Variants in HACD2 observed in about 807,000 individuals in gnomAD.
HACD2 encodes the protein very-long-chain (3R)-3-hydroxyacyl-CoA dehydratase 2.
A neutral mutation model predicts 31.0 loss-of-function variants in HACD2; 15 were observed. The observed-to-expected ratio is 0.48, with a 90% CI of 0.32 to 0.75. The LOEUF is 0.75. Among genes scored for constraint, HACD2 ranks in the 30% least tolerant of loss-of-function variants. The pLI, the probability that HACD2 is intolerant of heterozygous loss-of-function variation, is 0.03. For synonymous variants in HACD2, 115 were observed against 122.2 expected (o/e 0.94, Z 0.39); for missense variants, 283 against 313.0 (o/e 0.90, Z 0.72).
At chr3:123,539,170 C>T (rs748298382) in intron 3 of HACD2, among the ~76,000 whole-genome samples, 5 of 152,146 alleles carry the variant, frequency 3.3e-5, no homozygotes, top group Non-Finnish European at 5.9e-5. Flanking sequence ...TTAAGGAAGG[C>T]TACCTTGCCT....
intron 3 of HACD2, among the ~76,000 whole-genome samples, chr3:123,553,776 A>G (rs2056644137): frequency 6.6e-6 from 1 of 152,012 alleles, no homozygotes; most frequent in Non-Finnish European, 1.5e-5. Context: ...TGTTCTGGCT[A>G]TTGTTTTTCC....
At chr3:123,519,455 T>C (rs2056186169) in intron 4 of HACD2, among the ~76,000 whole-genome samples, 2 of 152,200 alleles carry the variant, frequency 1.3e-5, no homozygotes, top group Admixed American at 1.3e-4. Flanking sequence ...CTAAACTCTC[T>C]TCCCTGAAGA....
At position 123,567,770 on chromosome 3, in the gene HACD2, C is replaced by T; in HGVS notation, c.284G>A (p.Cys95Tyr). Residue 95 changes from cysteine to tyrosine, a missense_variant, in exon 3 of 7, where the codon TGT becomes TAT. Coordinates refer to ENST00000383657, the MANE Select transcript of HACD2 (RefSeq NM_198402.5). ...QTGALLEILHCAIGIVPSSVV... is the reference protein window; with the variant it reads ...QTGALLEILHYAIGIVPSSVV... Reference sequence around the variant, plus strand: ...GGAATATCCATACTTACCTATAGCACAATGTAAAATCTAGAGGAAAAAAGG... The same window carrying T: ...GGAATATCCATACTTACCTATAGCATAATGTAAAATCTAGAGGAAAAAAGG... 6.7e-7 allele frequency: 1 copy of T among 1,498,120 alleles called. No individual in the cohort carries two copies. Among genetic ancestry groups the T allele is most frequent in the Non-Finnish European group, 9.0e-7 (1 of 1,113,802 alleles). 92.8% of individuals were successfully genotyped at this position (1,498,120 alleles called of 1,614,324 possible). A position where few individuals can be genotyped will look rare whatever the true frequency, so the allele number is the denominator to read the frequency against.
chr3:123,553,766 T>C (rs1193683759), intron 3 of HACD2, among the ~76,000 whole-genome samples: 2 of 151,934 alleles, frequency 1.3e-5, no homozygotes, highest in African/African-American at 4.8e-5. Flanking sequence ...ATGAAGAGGG[T>C]GTTCTGGCTA....
chr3:123,502,537 C>A, intron 5 of HACD2, 23 bp downstream of exon 5: 1 of 1,606,350 alleles, frequency 6.2e-7, no homozygotes, highest in Non-Finnish European at 8.5e-7. Flanking sequence ...CAAAAGTGAG[C>A]CTTTTGAAAT....
rs73857672 is a variant in HACD2, at chr3:123,561,613, A to T, written c.292+6149T>A. Among the ~76,000 whole-genome samples, 909 of 151,442 alleles carry T rather than the reference A, an allele frequency of 6.0e-3. 9 individuals are homozygous for T. The highest frequency in any genetic ancestry group is 0.021 in the African/African-American group (883 of 41,470). On this transcript the variant is annotated intron_variant, in intron 3 of 6. Transcript: ENST00000383657. The stretch of plus-strand genomic sequence containing the variant: ...GCACCTCTAATCCCCATCCATAAAG[A>T]GGGGAACCATATTGCAGAGTCAGCT...
intron 4 of HACD2, among the ~76,000 whole-genome samples, chr3:123,506,014 G>T (rs1013330993): frequency 6.6e-6 from 1 of 152,238 alleles, no homozygotes; most frequent in African/African-American, 2.4e-5. Flanking sequence ...GGGCGGCCAG[G>T]GCTGCTGCTG....
At chr3:123,536,703 CA>C (rs1397883414) in intron 3 of HACD2, among the ~76,000 whole-genome samples, 1 of 151,950 alleles carries the variant, frequency 6.6e-6, no homozygotes, top group East Asian at 1.9e-4. Flanking sequence ...AGATCCAGAC[CA>C]AAAAAATTAC....
At chr3:123,541,484 A>T (rs1576764009) in intron 3 of HACD2, among the ~76,000 whole-genome samples, 2 of 152,316 alleles carry the variant, frequency 1.3e-5, no homozygotes, top group Middle Eastern at 6.8e-3. Context: ...AGAAGACTGG[A>T]GATAATATTT....
chr3:123,549,063 C>T (rs1473648353), intron 3 of HACD2, among the ~76,000 whole-genome samples: 1 of 151,178 alleles, frequency 6.6e-6, no homozygotes, highest in East Asian at 1.9e-4. Context: ...TCCTTTATGT[C>T]CCTTCAAAAG....
chr3:123,544,184 A>G (rs2056527615), intron 3 of HACD2, among the ~76,000 whole-genome samples: 1 of 152,250 alleles, frequency 6.6e-6, no homozygotes, highest in Admixed American at 6.5e-5. Context: ...TCGACAGCAC[A>G]TAAAAGACAC....
At chr3:123,537,613 TAA>T (rs568475902) in intron 3 of HACD2, among the ~76,000 whole-genome samples, 1 of 135,456 alleles carries the variant, frequency 7.4e-6, no homozygotes, top group Non-Finnish European at 1.7e-5. Flanking sequence ...ACACACACGG[TAA>T]AAAAAAGTTT....
chr3:123,515,547 C>A (rs1390026431), intron 4 of HACD2, among the ~76,000 whole-genome samples: 1 of 152,050 alleles, frequency 6.6e-6, no homozygotes, highest in Non-Finnish European at 1.5e-5. Flanking sequence ...GCTGGTTGGT[C>A]CGTCAGCTGA....
At position 123,492,770 on chromosome 3, in the gene HACD2, A is replaced by G. The variant is rs904104749; in HGVS notation, c.*2118T>C. The G allele has an allele frequency of 4.6e-5, 7 of 152,238 alleles. No individual in the cohort carries two copies. Among genetic ancestry groups the G allele is most frequent in the Non-Finnish European group, 7.3e-5 (5 of 68,030 alleles). The allele number at this position is 152,238 out of a possible 1,614,324, so 9.4% of individuals were successfully genotyped here. The stretch of plus-strand genomic sequence containing the variant: ...ATCCTGATTTCTAGAATTTTTCCAA[A>G]AACAACTGAAAAAATCTAACAGAAC... On this transcript the variant is annotated 3_prime_UTR_variant, in exon 7 of 7. Coordinates refer to ENST00000383657, the MANE Select transcript of HACD2 (RefSeq NM_198402.5).
chr3:123,563,240 A>G (rs1233239589), intron 3 of HACD2, among the ~76,000 whole-genome samples: 3 of 152,154 alleles, frequency 2.0e-5, no homozygotes. Flanking sequence ...ATTATAGAAG[A>G]GTGAGGAAGA....
intron 4 of HACD2, among the ~76,000 whole-genome samples, chr3:123,505,179 G>A (rs1174349564): frequency 6.6e-6 from 1 of 152,216 alleles, no homozygotes; most frequent in East Asian, 1.9e-4. Context: ...TGAATACTGT[G>A]TGATTCTACT....
chr3:123,537,332 C>A (rs1374562376), intron 3 of HACD2, among the ~76,000 whole-genome samples: 1 of 152,062 alleles, frequency 6.6e-6, no homozygotes, highest in African/African-American at 2.4e-5. Context: ...TTTGGGAAGC[C>A]AAGGTGAGAC....
At chr3:123,528,032 G>A (rs2056306386) in intron 4 of HACD2, among the ~76,000 whole-genome samples, 1 of 152,186 alleles carries the variant, frequency 6.6e-6, no homozygotes, top group African/African-American at 2.4e-5. Context: ...AGTGAGGCAG[G>A]CAGATTGCTT....
At chr3:123,567,280 A>T (rs2056802187) in intron 3 of HACD2, among the ~76,000 whole-genome samples, 1 of 152,248 alleles carries the variant, frequency 6.6e-6, no homozygotes, top group South Asian at 2.1e-4. Flanking sequence ...TGCTTTTAGT[A>T]GAAATCCCCT....
Sources: gnomAD v4.1 joint callset for allele counts (sites outside exome capture counted in the v4.1 genomes callset) on GRCh38, gnomAD v4.1.1 for gene constraint, MANE v1.5 for transcripts, NCBI Gene and HGNC (gene_info 2026-07-23, HGNC 2026-07-21) for gene names.